The following TMEM132D variants were observed in gnomAD, a reference collection of about 807,000 sequenced individuals.
TMEM132D encodes mature OL transmembrane protein.
Under a neutral mutation model 62.3 loss-of-function variants are expected in TMEM132D, and 21 were observed. That is an observed-to-expected ratio of 0.34 (90% CI 0.24 to 0.49). TMEM132D has a LOEUF of 0.49. Ranked by LOEUF, TMEM132D falls within the 20% of genes least tolerant of loss-of-function variation. The pLI is 0.99. For synonymous variants in TMEM132D, 621 were observed against 575.6 expected (o/e 1.08, Z -1.13); for missense variants, 1,346 against 1,402.8 (o/e 0.96, Z 0.65).
intron 4 of TMEM132D, among the ~76,000 whole-genome samples, chr12:129,247,864 G>GT (rs34018738): frequency 0.022 from 3,258 of 145,728 alleles, 69 homozygotes; most frequent in African/African-American, 0.055. Flanking sequence ...CAATGAGCAG[G>GT]TTTTTTTTTT....
intron 3 of TMEM132D, among the ~76,000 whole-genome samples, chr12:129,430,106 G>T (rs528945743): frequency 1.5e-4 from 23 of 152,264 alleles, no homozygotes; most frequent in African/African-American, 5.5e-4. Flanking sequence ...CCAGTAATGG[G>T]ATGGCTGGGT....
At chr12:129,294,525 A>G (rs907447841) in intron 4 of TMEM132D, among the ~76,000 whole-genome samples, 2 of 151,964 alleles carry the variant, frequency 1.3e-5, no homozygotes, top group Admixed American at 6.6e-5. Context: ...TCTCTCATTT[A>G]CCCTTTCCAG....
chr12:129,720,247 G>T (rs906826536), intron 1 of TMEM132D, among the ~76,000 whole-genome samples: 1 of 152,078 alleles, frequency 6.6e-6, no homozygotes, highest in Non-Finnish European at 1.5e-5. Context: ...CACACGGATG[G>T]ACCAGAAAAT....
chr12:129,524,702 A>C (rs1875960128), intron 3 of TMEM132D, among the ~76,000 whole-genome samples: 1 of 151,740 alleles, frequency 6.6e-6, no homozygotes, highest in Admixed American at 6.6e-5. Flanking sequence ...TATTAGCCAG[A>C]TACTGACAAA....
chr12:129,414,295 C>T (rs778377458), intron 3 of TMEM132D, among the ~76,000 whole-genome samples: 1 of 152,116 alleles, frequency 6.6e-6, no homozygotes, highest in African/African-American at 2.4e-5. Context: ...TAGCAGCAAA[C>T]ACATAAGATG....
At chr12:129,771,033 A>T (rs1331685986) in intron 1 of TMEM132D, among the ~76,000 whole-genome samples, 1 of 152,196 alleles carries the variant, frequency 6.6e-6, no homozygotes, top group Non-Finnish European at 1.5e-5. Context: ...CTTGCCTTCC[A>T]TCTTGCTCCC....
At chr12:129,539,641 G>A (rs1051897620) in intron 2 of TMEM132D, among the ~76,000 whole-genome samples, 1 of 151,184 alleles carries the variant, frequency 6.6e-6, no homozygotes, top group Non-Finnish European at 1.5e-5. Flanking sequence ...CAAACTCCTG[G>A]GCTCAAGTGA....
intron 1 of TMEM132D, among the ~76,000 whole-genome samples, chr12:129,718,855 C>T (rs1868696738): frequency 6.6e-6 from 1 of 152,080 alleles, no homozygotes; most frequent in Non-Finnish European, 1.5e-5. Flanking sequence ...AAGAATTACA[C>T]AAGTTATTCC....
chr12:129,229,712 G>C (rs1292863086), intron 4 of TMEM132D, among the ~76,000 whole-genome samples: 1 of 152,188 alleles, frequency 6.6e-6, no homozygotes, highest in African/African-American at 2.4e-5. Flanking sequence ...AACTAAATCA[G>C]TAAACCTAAA....
intron 2 of TMEM132D, among the ~76,000 whole-genome samples, chr12:129,667,019 G>C (rs562626403): frequency 1.3e-5 from 2 of 152,162 alleles, no homozygotes; most frequent in East Asian, 3.9e-4. Flanking sequence ...AAAATTCTGT[G>C]GGTATAAACA....
intron 1 of TMEM132D, among the ~76,000 whole-genome samples, chr12:129,869,029 G>A (rs1279226426): frequency 2.0e-5 from 3 of 150,936 alleles, no homozygotes; most frequent in Non-Finnish European, 2.9e-5. Flanking sequence ...CCTTAGAACC[G>A]GTTCCTCAGC....
rs569621565 is a variant in TMEM132D at position 129,709,860 on chromosome 12, T to A, written c.80-9162A>T. Among the ~76,000 whole-genome samples, 8 of 152,338 alleles carry A rather than the reference T, an allele frequency of 5.3e-5. No individual in the cohort carries two copies. The South Asian group carries it at 1.0e-3, about 20-fold the overall frequency. On this transcript the variant is annotated intron_variant, in intron 1 of 8. Transcript: ENST00000422113. ...ATCCTATTAATTTTAAAGTAAACCATTATTTTATGTACCACTAAGAGGCTG... is the reference window on the plus strand; with the variant it reads ...ATCCTATTAATTTTAAAGTAAACCAATATTTTATGTACCACTAAGAGGCTG...
chr12:129,487,715 G>A (rs1206391756), intron 3 of TMEM132D, among the ~76,000 whole-genome samples: 2 of 151,760 alleles, frequency 1.3e-5, no homozygotes, highest in Non-Finnish European at 2.9e-5. Context: ...GGCGGATCAT[G>A]AGGTCAGGAG....
rs144204931 is a variant in TMEM132D, at chr12:129,195,025, C to T, written c.1443+14495G>A. Among the ~76,000 whole-genome samples the T allele has an allele frequency of 7.3e-3, 1,114 of 152,302 alleles. 8 individuals are homozygous for T. Among genetic ancestry groups the T allele is most frequent in the Non-Finnish European group, 0.01 (700 of 68,026 alleles). ...GTAATGATCAAAACCAACCAGTCCT[C>T]ACCCTTGTAGAGGTGGACAATGAAC... On this transcript the variant is annotated intron_variant, in intron 5 of 8. Transcript: ENST00000422113.
intron 5 of TMEM132D, among the ~76,000 whole-genome samples, chr12:129,123,500 TTCTG>T (rs1443123754): frequency 2.0e-5 from 3 of 152,214 alleles, no homozygotes; most frequent in African/African-American, 7.2e-5. Context: ...CTCCTCTCTG[TTCTG>T]TCTATGTGGG....
chr12:129,661,244 G>A (rs1880229858), intron 2 of TMEM132D, among the ~76,000 whole-genome samples: 1 of 152,206 alleles, frequency 6.6e-6, no homozygotes, highest in Non-Finnish European at 1.5e-5. Flanking sequence ...TAAAGCCATG[G>A]ACGCAGGCAT....
intron 1 of TMEM132D, among the ~76,000 whole-genome samples, chr12:129,843,395 A>G (rs1375643167): frequency 6.6e-6 from 1 of 152,234 alleles, no homozygotes; most frequent in Non-Finnish European, 1.5e-5. Flanking sequence ...CAAATTTATG[A>G]CACGATTCCA....
intron 4 of TMEM132D, among the ~76,000 whole-genome samples, chr12:129,280,296 G>A (rs745955060): frequency 2.0e-5 from 3 of 152,252 alleles, no homozygotes; most frequent in Admixed American, 1.3e-4. Flanking sequence ...GTGAAAGACT[G>A]GTGGGATAAT....
chr12:129,140,610 G>C (rs1271391136), intron 5 of TMEM132D, among the ~76,000 whole-genome samples: 1 of 152,108 alleles, frequency 6.6e-6, no homozygotes. Context: ...AGGCTGAGAC[G>C]GGCGGATCAC....
Sources: allele counts gnomAD v4.1 joint callset (sites outside exome capture counted in the v4.1 genomes callset), GRCh38; gene constraint gnomAD v4.1.1; transcripts MANE v1.5; gene names NCBI Gene and HGNC (gene_info 2026-07-23, HGNC 2026-07-21).